The following KAT6A variants were observed in gnomAD, a reference collection of about 807,000 sequenced individuals.
KAT6A encodes histone acetyltransferase KAT6A.
KAT6A carries 9 observed loss-of-function variants against 198.4 expected under a neutral mutation model. The observed-to-expected ratio is 0.05, with a 90% CI of 0.03 to 0.08. KAT6A has a LOEUF of 0.08. Among genes scored for constraint, KAT6A ranks in the 10% least tolerant of loss-of-function variants. The pLI is 1.00. For missense variants in KAT6A, 2,077 were observed against 2,509.9 expected (o/e 0.83, Z 3.69); for synonymous variants, 890 against 883.0 (o/e 1.01, Z -0.14).
intron 3 of KAT6A, among the ~76,000 whole-genome samples, chr8:41,982,849 A>G (rs1021444420): frequency 6.6e-6 from 1 of 152,250 alleles, no homozygotes; most frequent in African/African-American, 2.4e-5. Flanking sequence ...TTTATAAATT[A>G]AACTTTATTA....
At chr8:41,967,885 A>G (rs1169214043) in intron 8 of KAT6A, among the ~76,000 whole-genome samples, 3 of 152,162 alleles carry the variant, frequency 2.0e-5, no homozygotes, top group African/African-American at 7.2e-5. Flanking sequence ...AGGATTCCCT[A>G]TTTAATAAAT....
chr8:42,009,894 C>CAAAAAAAAAAAAAA (rs538642816), intron 2 of KAT6A, among the ~76,000 whole-genome samples: 12 of 49,058 alleles, frequency 2.4e-4, no homozygotes, highest in East Asian at 4.4e-4. Context: ...AGCCCTGTCT[C>CAAAAAAAAAAAAAA]AAAAAAAAAA....
chr8:41,997,669 G>A (rs1825284849), intron 2 of KAT6A, among the ~76,000 whole-genome samples: 1 of 152,066 alleles, frequency 6.6e-6, no homozygotes, highest in Non-Finnish European at 1.5e-5. Context: ...ACCACCATAA[G>A]CTTCTCTCAA....
intron 2 of KAT6A, among the ~76,000 whole-genome samples, chr8:41,997,054 A>C (rs1249261167): frequency 6.6e-6 from 1 of 152,212 alleles, no homozygotes; most frequent in East Asian, 1.9e-4. Context: ...TGTTTAATGG[A>C]TACAGAGTCT....
chr8:41,980,776 G>GT (rs1824313042), intron 5 of KAT6A, 70 bp downstream of exon 5: 1 of 1,018,160 alleles, frequency 9.8e-7, no homozygotes. Flanking sequence ...ATTTAACAAA[G>GT]TAGATAAAAT....
At chr8:41,948,609 A>G (rs934243374) in intron 10 of KAT6A, among the ~76,000 whole-genome samples, 1 of 151,380 alleles carries the variant, frequency 6.6e-6, no homozygotes, top group African/African-American at 2.4e-5. Context: ...CTGCGATACT[A>G]ACAGAACTCC....
At chr8:42,019,130 A>C (rs1826409022) in intron 2 of KAT6A, among the ~76,000 whole-genome samples, 2 of 152,182 alleles carry the variant, frequency 1.3e-5, no homozygotes, top group African/African-American at 4.8e-5. Context: ...CTGTAAAAAT[A>C]AGGGTTTGAA....
chr8:42,012,134 A>C (rs942989073), intron 2 of KAT6A, among the ~76,000 whole-genome samples: 1 of 152,162 alleles, frequency 6.6e-6, no homozygotes, highest in South Asian at 2.1e-4. Context: ...TAAATGAGAT[A>C]CTCATACATA....
In KAT6A at chr8:41,946,481, A is replaced by AAT. The variant is rs750947289; in HGVS notation, c.1996+108_1996+109dup. On this transcript the variant is annotated intron_variant, in intron 12 of 16. Coordinates refer to ENST00000265713, the MANE Select transcript of KAT6A (RefSeq NM_006766.5). The stretch of plus-strand genomic sequence containing the variant: ...CCAACAAAGCACCTACAAATCTTTA[A>AAT]ATATATATATATACACACACACACA... 276 of 411,290 alleles carry AAT rather than the reference A, an allele frequency of 6.7e-4. 1 individual carries two copies. Among genetic ancestry groups the AAT allele is most frequent in the African/African-American group, 3.0e-3 (100 of 33,458 alleles). 25.5% of individuals were successfully genotyped at this position (411,290 alleles called of 1,614,324 possible).
chr8:41,984,420 C>G (rs1410096480), intron 3 of KAT6A, among the ~76,000 whole-genome samples: 1 of 152,066 alleles, frequency 6.6e-6, no homozygotes, highest in Admixed American at 6.5e-5. Flanking sequence ...TCGACAAGCC[C>G]GTGGCAGCAG....
chr8:41,988,409 T>C (rs1313065846), intron 2 of KAT6A, among the ~76,000 whole-genome samples: 2 of 152,250 alleles, frequency 1.3e-5, no homozygotes, highest in African/African-American at 4.8e-5. Context: ...TATATATCAA[T>C]TATACCTAAA....
chr8:41,966,471 G>C (rs571513857), intron 8 of KAT6A, among the ~76,000 whole-genome samples: 2 of 151,978 alleles, frequency 1.3e-5, no homozygotes, highest in South Asian at 2.1e-4. Flanking sequence ...GGGGATCTTG[G>C]AGCGTATCAC....
rs569343422 is a variant in KAT6A at position 41,937,105 on chromosome 8, T to A, written c.3352+151A>T. 1.6e-5 allele frequency: 10 copies of A among 612,552 alleles called. No individual in the cohort carries two copies. The East Asian group carries it at 2.8e-4, about 17-fold the overall frequency. The allele number at this position is 612,552 out of a possible 1,614,324, so 37.9% of individuals were successfully genotyped here. A position where few individuals can be genotyped will look rare whatever the true frequency, so the allele number is the denominator to read the frequency against. On this transcript the variant is annotated intron_variant, in intron 16 of 16. Coordinates refer to ENST00000265713, the MANE Select transcript of KAT6A (RefSeq NM_006766.5). Reference sequence around the variant, plus strand: ...CATTTAAAAATCAAGATGGATATACTTGATACAACTTTTTAGAGATTGCCA... The same window carrying A: ...CATTTAAAAATCAAGATGGATATACATGATACAACTTTTTAGAGATTGCCA...
chr8:42,023,760 T>C (rs764061239), intron 2 of KAT6A, among the ~76,000 whole-genome samples: 2 of 151,474 alleles, frequency 1.3e-5, no homozygotes, highest in African/African-American at 4.9e-5. Context: ...CTGCTGCGAC[T>C]ACAGGTGTGA....
At chr8:42,008,154 C>A (rs1825841631) in intron 2 of KAT6A, among the ~76,000 whole-genome samples, 1 of 151,914 alleles carries the variant, frequency 6.6e-6, no homozygotes, top group Non-Finnish European at 1.5e-5. Context: ...AAAAAAAACC[C>A]TCAGCCAAGT....
intron 13 of KAT6A, 135 bp from the exon 14 acceptor site, chr8:41,943,135 G>T: frequency 1.8e-6 from 2 of 1,121,542 alleles, no homozygotes; most frequent in Non-Finnish European, 2.5e-6. Flanking sequence ...ACGATGGAAT[G>T]CAGAAATGTG....
intron 5 of KAT6A, among the ~76,000 whole-genome samples, chr8:41,980,493 C>T (rs910888296): frequency 3.9e-5 from 6 of 151,942 alleles, no homozygotes; most frequent in Admixed American, 6.6e-5. Flanking sequence ...ATAATCAACA[C>T]GACCTAATAC....
At chr8:42,037,159 G>GT (rs1376787035) in intron 2 of KAT6A, among the ~76,000 whole-genome samples, 2 of 152,084 alleles carry the variant, frequency 1.3e-5, no homozygotes, top group African/African-American at 4.8e-5. Flanking sequence ...AATTAGTTTG[G>GT]TATTTATTTT....
At chr8:41,943,620 A>G (rs373488918) in intron 13 of KAT6A, 128 bp downstream of exon 13, 6 of 641,968 alleles carry the variant, frequency 9.3e-6, no homozygotes, top group African/African-American at 3.7e-5. Context: ...AAGGAAAATG[A>G]TATCTCATTA....
Sources: allele counts gnomAD v4.1 joint callset (sites outside exome capture counted in the v4.1 genomes callset), GRCh38; gene constraint gnomAD v4.1.1; transcripts MANE v1.5; gene names NCBI Gene and HGNC (gene_info 2026-07-23, HGNC 2026-07-21).